NCR1: variants seen among roughly 807,000 people sequenced by gnomAD.
NCR1 encodes the protein NK cell-activating receptor.
In NCR1, 30 loss-of-function variants were observed where a neutral mutation model predicts 32.5. The observed-to-expected ratio is 0.92, with a 90% CI of 0.69 to 1.25. The LOEUF (loss-of-function observed/expected upper bound fraction) is 1.25, where lower values mean the gene tolerates loss of function less well. Ranked by LOEUF, NCR1 falls within the 50% of genes most tolerant of loss-of-function variation. The probability of loss-of-function intolerance (pLI) is 0.00; values close to 1 mark genes in which losing one functional copy is unlikely to be tolerated. For missense variants in NCR1, 369 were observed against 380.7 expected, an observed-to-expected ratio of 0.97 and a Z score of 0.26; for synonymous variants, 169 against 143.4, an observed-to-expected ratio of 1.18 and a Z score of -1.28.
chr19:54,912,126 A>T, intron 5 of NCR1, 42 bp from the exon 6 acceptor site: 1 of 1,559,212 alleles, frequency 6.4e-7, no homozygotes, highest in Non-Finnish European at 8.8e-7. Context: ...GGGGTGGAGG[A>T]GGTCAAAACC....
downstream of NCR1, chr19:54,916,007 T>G (rs1212221558): frequency 5.3e-5 from 8 of 150,982 alleles, no homozygotes; most frequent in Non-Finnish European, 1.2e-4. Context: ...TGGTTGTATA[T>G]TCCTAATAAG....
At chr19:54,923,028 G>C in the NCR1 span, among the ~76,000 whole-genome samples, 1 of 152,018 alleles carries the variant, frequency 6.6e-6, no homozygotes, top group African/African-American at 2.4e-5. Context: ...CGTGGGAGCC[G>C]AGCAGAACCA....
At chr19:54,899,448 C>G in the NCR1 span, among the ~76,000 whole-genome samples, 1 of 151,596 alleles carries the variant, frequency 6.6e-6, no homozygotes, top group African/African-American at 2.4e-5. Flanking sequence ...GGAAGGGGTT[C>G]AGGGGTTCTT....
downstream of NCR1, chr19:54,913,115 C>T (rs527806308): frequency 2.0e-3 from 726 of 355,608 alleles, 1 homozygote; most frequent in Non-Finnish European, 2.5e-3. Context: ...TGCAATGGCG[C>T]GATCTTGGCT....
chr19:54,912,831 C>T lies in NCR1; in HGVS notation c.875C>T (p.Thr292Ile). 6.2e-7 allele frequency: 1 copy of T among 1,613,480 alleles called. No individual in the cohort carries two copies. The highest frequency in any genetic ancestry group is 2.2e-5 in the East Asian group (1 of 44,752). Residue 292 changes from threonine to isoleucine, a missense_variant, in exon 7 of 7, where the codon ACT becomes ATT. Transcript: ENST00000291890. Reference protein sequence around the residue: ...RTRERASRASTWEGRRRLNTQ... With the variant: ...RTRERASRASIWEGRRRLNTQ... ...AGAGAGCGAGCCAGCAGAGCTTCCA[C>T]TTGGGAAGGCAGGAGAAGGCTGAAC... is the stretch of plus-strand genomic sequence containing the variant.
chr19:54,927,863 G>A, the NCR1 span: 62 of 1,192,360 alleles, frequency 5.2e-5, no homozygotes, highest in African/African-American at 1.1e-4. Flanking sequence ...AGGCCAAGGC[G>A]GGTGGATCAC....
chr19:54,922,857 GACACACACAGAGAAACAC>G, the NCR1 span, among the ~76,000 whole-genome samples: 1 of 149,640 alleles, frequency 6.7e-6, no homozygotes, highest in East Asian at 1.9e-4. Context: ...CAGCGACAGA[GACACACACAGAGAAACAC>G]AGACAGACAC....
the NCR1 span, among the ~76,000 whole-genome samples, chr19:54,927,378 T>A: frequency 9.6e-6 from 1 of 104,212 alleles, no homozygotes. Flanking sequence ...CAAAACTCCG[T>A]CTCAAAAAAA....
chr19:54,932,426 CAA>C, the NCR1 span, among the ~76,000 whole-genome samples: 1 of 141,100 alleles, frequency 7.1e-6, no homozygotes. Flanking sequence ...AGACTTCATC[CAA>C]AAAAAAAAAA....
chr19:54,917,156 G>A (rs2068152755), downstream of NCR1, among the ~76,000 whole-genome samples: 1 of 151,554 alleles, frequency 6.6e-6, no homozygotes, highest in Admixed American at 6.6e-5. Context: ...GACGGTTACA[G>A]TACCAACAGG....
chr19:54,913,151 C>T, downstream of NCR1: 1 of 245,592 alleles, frequency 4.1e-6, no homozygotes, highest in Non-Finnish European at 7.8e-6. Flanking sequence ...CTCTCCATCC[C>T]TCGGGTTCAA....
intron 3 of NCR1, among the ~76,000 whole-genome samples, chr19:54,907,528 A>G (rs992000910): frequency 6.7e-6 from 1 of 150,342 alleles, no homozygotes; most frequent in Non-Finnish European, 1.5e-5. Context: ...TATTATTATC[A>G]AGTATTATAC....
chr19:54,927,444 T>C, the NCR1 span, among the ~76,000 whole-genome samples: 1 of 151,514 alleles, frequency 6.6e-6, no homozygotes, highest in Non-Finnish European at 1.5e-5. Flanking sequence ...TAGGCCCAGC[T>C]ACTCATGAGG....
chr19:54,910,168 G>A, intron 5 of NCR1, 103 bp downstream of exon 5: 2 of 1,153,694 alleles, frequency 1.7e-6, no homozygotes, highest in Non-Finnish European at 2.6e-6. Flanking sequence ...CAGGCGTGGT[G>A]GCTCACGCCT....
At chr19:54,912,063 G>A (rs2068002661) in intron 5 of NCR1, 105 bp from the exon 6 acceptor site, 1 of 985,722 alleles carries the variant, frequency 1.0e-6, no homozygotes. Context: ...GGGTGAGGTG[G>A]GACCTTGTAA....
downstream of NCR1, chr19:54,916,289 C>G (rs1336857491): frequency 6.9e-6 from 1 of 145,162 alleles, no homozygotes; most frequent in Admixed American, 7.2e-5. Context: ...ACCCCCAGAA[C>G]TAACTCATCT....
At position 54,906,804 on chromosome 19, in the gene NCR1, A is replaced by G. The variant is rs142329175; in HGVS notation, c.352A>G (p.Thr118Ala). Residue 118 changes from threonine (T) to alanine (A), a missense_variant, in exon 3 of 7, where the codon ACA becomes GCA. Thr to Ala is a moderately conservative substitution (Grantham distance 58). Transcript: ENST00000291890. Reference protein sequence around the residue: ...EPSNLLDLVVTEMYDTPTLSV... With the variant: ...EPSNLLDLVVAEMYDTPTLSV... ...CAGCAACTTGCTGGATCTGGTGGTA[A>G]CAGGTAACTGTCCGGTTCTCTAACT... 6.2e-7 allele frequency: 1 copy of G among 1,614,036 alleles called. No homozygotes were observed. Among genetic ancestry groups the G allele is most frequent in the Non-Finnish European group, 8.5e-7 (1 of 1,179,950 alleles).
At chr19:54,916,317 C>CTTTTTTT (rs71181711), downstream of NCR1, among the ~76,000 whole-genome samples, 97 of 87,096 alleles carry the variant, frequency 1.1e-3, 8 homozygotes, top group African/African-American at 3.7e-3. Context: ...GAATATTGTG[C>CTTTTTTT]TTTTTTTTTT....
At chr19:54,916,924 C>T (rs2068148594), downstream of NCR1, among the ~76,000 whole-genome samples, 1 of 151,896 alleles carries the variant, frequency 6.6e-6, no homozygotes, top group South Asian at 2.1e-4. Context: ...TGACTTCTCA[C>T]CTGTGCTCCC....
Sources: allele counts gnomAD v4.1 joint callset (sites outside exome capture counted in the v4.1 genomes callset), GRCh38; gene constraint gnomAD v4.1.1; transcripts MANE v1.5; gene names NCBI Gene and HGNC (gene_info 2026-07-23, HGNC 2026-07-21).